CTNNA2: variants seen among roughly 807,000 people sequenced by gnomAD.
CTNNA2 encodes catenin alpha 2, also known as catenin alpha-2.
A neutral mutation model predicts 101.0 loss-of-function variants in CTNNA2; 42 were observed. That is an observed-to-expected ratio of 0.42 (90% CI 0.32 to 0.54). CTNNA2 has a LOEUF of 0.54. Ranked by LOEUF, CTNNA2 falls within the 20% of genes least tolerant of loss-of-function variation. The pLI, the probability that CTNNA2 is intolerant of heterozygous loss-of-function variation, is 0.14. For missense variants in CTNNA2, 871 were observed against 1,223.1 expected (o/e 0.71, Z 4.29); for synonymous variants, 450 against 456.4 (o/e 0.99, Z 0.18).
intron 7 of CTNNA2, among the ~76,000 whole-genome samples, chr2:79,976,327 T>C (rs1408368210): frequency 2.0e-5 from 3 of 152,158 alleles, no homozygotes; most frequent in African/African-American, 4.8e-5. Context: ...AGGAGACGGA[T>C]TGTGACTGAA....
intron 2 of CTNNA2, among the ~76,000 whole-genome samples, chr2:79,692,114 G>T (rs10179123): frequency 2.0e-5 from 3 of 151,764 alleles, no homozygotes; most frequent in African/African-American, 7.3e-5. Flanking sequence ...AAATTTTTGC[G>T]ATCTATCCAT....
intron 2 of CTNNA2, among the ~76,000 whole-genome samples, chr2:79,694,969 G>A (rs1684557774): frequency 6.6e-6 from 1 of 150,754 alleles, no homozygotes; most frequent in African/African-American, 2.4e-5. Flanking sequence ...CTTTATATCA[G>A]CCTAAAGCGG....
chr2:80,445,440 C>G lies in CTNNA2; in HGVS notation c.1290+25839C>G, dbSNP rs140160547. Among the ~76,000 whole-genome samples, 851 of 152,230 alleles carry G rather than the reference C, an allele frequency of 5.6e-3. 2 individuals are homozygous for G. Among genetic ancestry groups the G allele is most frequent in the Non-Finnish European group, 9.2e-3 (626 of 68,020 alleles). On this transcript the variant is annotated intron_variant, in intron 9 of 18. Coordinates refer to ENST00000402739, the MANE Select transcript of CTNNA2 (RefSeq NM_001282597.3). ...CAAGTGATCCACCACCTTATTCCCT[C>G]AAAATGCTGACATTACAGGTGTGTG...
intron 7 of CTNNA2, among the ~76,000 whole-genome samples, chr2:80,324,834 C>T (rs1417491829): frequency 2.0e-5 from 3 of 152,128 alleles, no homozygotes; most frequent in African/African-American, 7.2e-5. Context: ...TGCCCTTCCT[C>T]CCATCTTTGC....
At chr2:79,516,701 C>T (rs1347642304) in intron 1 of CTNNA2, among the ~76,000 whole-genome samples, 1 of 152,148 alleles carries the variant, frequency 6.6e-6, no homozygotes, top group African/African-American at 2.4e-5. Flanking sequence ...CATCCTGAGA[C>T]ATGGAATCCA....
At chr2:79,360,969 TG>T (rs1330671846) in intron 3 of CTNNA2, among the ~76,000 whole-genome samples, 1 of 152,186 alleles carries the variant, frequency 6.6e-6, no homozygotes, top group Non-Finnish European at 1.5e-5. Flanking sequence ...TCAGTCTCAG[TG>T]GGAGTTATTG....
At chr2:79,650,619 C>CT (rs147904134) in intron 1 of CTNNA2, among the ~76,000 whole-genome samples, 67 of 141,060 alleles carry the variant, frequency 4.7e-4, no homozygotes, top group African/African-American at 8.5e-4. Context: ...CTCTGTGTTT[C>CT]TTTTTTTTTT....
At chr2:79,363,171 T>C (rs1677668350) in intron 3 of CTNNA2, among the ~76,000 whole-genome samples, 1 of 152,186 alleles carries the variant, frequency 6.6e-6, no homozygotes, top group Non-Finnish European at 1.5e-5. Flanking sequence ...AAGTCCATCA[T>C]CTAAGTTACA....
intron 1 of CTNNA2, among the ~76,000 whole-genome samples, chr2:79,526,208 A>G (rs963642603): frequency 7.2e-5 from 11 of 152,040 alleles, no homozygotes; most frequent in Admixed American, 3.9e-4. Flanking sequence ...GCTAACTTTA[A>G]ATAGTTTTTA....
chr2:79,280,182 T>C (rs1243389127), intron 2 of CTNNA2, among the ~76,000 whole-genome samples: 1 of 152,130 alleles, frequency 6.6e-6, no homozygotes, highest in Non-Finnish European at 1.5e-5. Context: ...GGAAAAAGAA[T>C]AGCACATCTT....
At chr2:80,291,359 A>G (rs1675219920) in intron 7 of CTNNA2, among the ~76,000 whole-genome samples, 1 of 152,230 alleles carries the variant, frequency 6.6e-6, no homozygotes, top group Non-Finnish European at 1.5e-5. Flanking sequence ...GACCTAAGAA[A>G]GAAAGGTCTG....
At chr2:79,795,016 TCTAA>T (rs1321377534) in intron 3 of CTNNA2, among the ~76,000 whole-genome samples, 3 of 152,176 alleles carry the variant, frequency 2.0e-5, no homozygotes, top group Non-Finnish European at 2.9e-5. Flanking sequence ...TATGAATCAG[TCTAA>T]CTGTGAATAA....
chr2:79,533,088 A>G (rs1672842956), intron 1 of CTNNA2, among the ~76,000 whole-genome samples: 1 of 151,890 alleles, frequency 6.6e-6, no homozygotes, highest in African/African-American at 2.4e-5. Flanking sequence ...TTCATCTAAT[A>G]TGCAGTCTCG....
chr2:79,984,753 A>C (rs956086237), intron 7 of CTNNA2, among the ~76,000 whole-genome samples: 1 of 152,056 alleles, frequency 6.6e-6, no homozygotes, highest in Middle Eastern at 3.2e-3. Context: ...TCCCTGACCC[A>C]TCCTTCTGCC....
intron 7 of CTNNA2, among the ~76,000 whole-genome samples, chr2:80,073,703 C>A: frequency 6.8e-6 from 1 of 147,490 alleles, no homozygotes; most frequent in Non-Finnish European, 1.5e-5. Flanking sequence ...CTGGTTTGTT[C>A]ATAAAACAAA....
intron 7 of CTNNA2, among the ~76,000 whole-genome samples, chr2:80,024,088 GAAA>G (rs1158051768): frequency 1.8e-5 from 1 of 54,736 alleles, no homozygotes; most frequent in East Asian, 2.9e-4. Flanking sequence ...CTCCGTCTCA[GAAA>G]AAAAAAAAAA....
At chr2:79,586,841 C>A (rs1676526988) in intron 1 of CTNNA2, among the ~76,000 whole-genome samples, 1 of 151,404 alleles carries the variant, frequency 6.6e-6, no homozygotes, top group Admixed American at 6.6e-5. Context: ...CCTTCTGAGT[C>A]CTCAGAGTTC....
At chr2:79,645,236 C>T (rs1680734658) in intron 1 of CTNNA2, among the ~76,000 whole-genome samples, 1 of 152,156 alleles carries the variant, frequency 6.6e-6, no homozygotes, top group South Asian at 2.1e-4. Flanking sequence ...ATCTTCCCAT[C>T]TCAGCCTCCC....
chr2:80,347,710 G>A (rs750322454), intron 7 of CTNNA2, among the ~76,000 whole-genome samples: 3 of 151,968 alleles, frequency 2.0e-5, no homozygotes, highest in African/African-American at 4.8e-5. Flanking sequence ...GTGTAGTTCC[G>A]GAGCAGTAGC....
Sources: gnomAD v4.1 joint callset for allele counts (sites outside exome capture counted in the v4.1 genomes callset) on GRCh38, gnomAD v4.1.1 for gene constraint, MANE v1.5 for transcripts, NCBI Gene and HGNC (gene_info 2026-07-23, HGNC 2026-07-21) for gene names.